The following SCFD2 variants were observed in gnomAD, a reference collection of about 807,000 sequenced individuals.
SCFD2 encodes sec1 family domain containing 2.
A neutral mutation model predicts 58.9 loss-of-function variants in SCFD2; 54 were observed. The ratio of observed to expected loss-of-function variants is 0.92; its 90% CI spans 0.74 to 1.15. The LOEUF (loss-of-function observed/expected upper bound fraction) is 1.15, where lower values mean the gene tolerates loss of function less well. Among genes scored for constraint, SCFD2 ranks in the 50% most tolerant of loss-of-function variants. The pLI is 0.00. For synonymous variants in SCFD2, 321 were observed against 335.9 expected, an observed-to-expected ratio of 0.96 and a Z score of 0.49; for missense variants, 805 against 836.6, an observed-to-expected ratio of 0.96 and a Z score of 0.47.
At chr4:53,212,348 C>A (rs542351723) in intron 4 of SCFD2, among the ~76,000 whole-genome samples, 9 of 151,854 alleles carry the variant, frequency 5.9e-5, no homozygotes, top group African/African-American at 2.2e-4. Flanking sequence ...TCAGAGCACC[C>A]AAAGTGACAT....
At chr4:52,919,286 C>T (rs1022352067) in intron 6 of SCFD2, among the ~76,000 whole-genome samples, 1 of 152,164 alleles carries the variant, frequency 6.6e-6, no homozygotes, top group Non-Finnish European at 1.5e-5. Flanking sequence ...TGCTTCTTGA[C>T]ATTTTTGGTC....
At chr4:52,924,280 G>T (rs1431357580) in intron 5 of SCFD2, among the ~76,000 whole-genome samples, 4 of 152,046 alleles carry the variant, frequency 2.6e-5, no homozygotes, top group African/African-American at 9.7e-5. Context: ...GAAAGTTATG[G>T]ATTATACATT....
chr4:53,193,712 T>C (rs1414516989), intron 4 of SCFD2, among the ~76,000 whole-genome samples: 1 of 152,212 alleles, frequency 6.6e-6, no homozygotes, highest in African/African-American at 2.4e-5. Context: ...ATGGAGTACA[T>C]GAAGAAATAT....
chr4:53,075,913 T>C (rs1723958694), intron 5 of SCFD2, among the ~76,000 whole-genome samples: 1 of 152,174 alleles, frequency 6.6e-6, no homozygotes, highest in South Asian at 2.1e-4. Flanking sequence ...ATGGTGCTGA[T>C]AGACTTGCTA....
At chr4:53,130,552 A>G (rs988545256) in intron 5 of SCFD2, among the ~76,000 whole-genome samples, 1 of 152,110 alleles carries the variant, frequency 6.6e-6, no homozygotes, top group Non-Finnish European at 1.5e-5. Context: ...TACCCCACTG[A>G]CCATTTCTTC....
At chr4:52,896,991 T>G (rs938387435) in intron 7 of SCFD2, among the ~76,000 whole-genome samples, 2 of 152,232 alleles carry the variant, frequency 1.3e-5, no homozygotes, top group African/African-American at 2.4e-5. Flanking sequence ...GCTTGTCATT[T>G]TTGCACATTG....
chr4:53,170,085 T>C (rs1057140699), intron 4 of SCFD2, among the ~76,000 whole-genome samples: 1 of 152,310 alleles, frequency 6.6e-6, no homozygotes, highest in Middle Eastern at 3.4e-3. Context: ...TGGGGTCAAA[T>C]ACAGAAACTC....
At chr4:53,028,340 T>C (rs1722531851) in intron 5 of SCFD2, among the ~76,000 whole-genome samples, 2 of 152,148 alleles carry the variant, frequency 1.3e-5, no homozygotes, top group Admixed American at 1.3e-4. Flanking sequence ...GTTGTCAAAT[T>C]AGACAAAATA....
intron 5 of SCFD2, among the ~76,000 whole-genome samples, chr4:53,083,314 T>C (rs1057253913): frequency 4.6e-5 from 7 of 152,150 alleles, no homozygotes; most frequent in African/African-American, 1.7e-4. Flanking sequence ...AGGGCCATTC[T>C]TATGAGGTCT....
At chr4:53,178,097 A>C (rs1422926324) in intron 4 of SCFD2, among the ~76,000 whole-genome samples, 2 of 152,212 alleles carry the variant, frequency 1.3e-5, no homozygotes, top group Non-Finnish European at 2.9e-5. Flanking sequence ...GCACAGACAA[A>C]TGTAAAGACA....
intron 2 of SCFD2, among the ~76,000 whole-genome samples, chr4:53,351,858 C>T (rs1734229914): frequency 1.3e-5 from 2 of 152,160 alleles, no homozygotes; most frequent in South Asian, 2.1e-4. Context: ...CCAAATGCAT[C>T]TGCTACAGTG....
chr4:53,341,618 C>T (rs552818540), intron 2 of SCFD2, among the ~76,000 whole-genome samples: 324 of 152,068 alleles, frequency 2.1e-3, no homozygotes, highest in African/African-American at 7.3e-3. Flanking sequence ...GCCACAAAGA[C>T]ACTCTTCGAG....
chr4:53,239,588 G>T (rs1729824957), intron 4 of SCFD2, among the ~76,000 whole-genome samples: 1 of 152,164 alleles, frequency 6.6e-6, no homozygotes, highest in South Asian at 2.1e-4. Context: ...GGGTTCAAGT[G>T]ATTCTCCTGC....
chr4:52,958,453 G>T (rs1345579192), intron 5 of SCFD2, among the ~76,000 whole-genome samples: 1 of 152,158 alleles, frequency 6.6e-6, no homozygotes, highest in Non-Finnish European at 1.5e-5. Context: ...GTTTTCTGAC[G>T]TTCCTTTCAG....
intron 5 of SCFD2, among the ~76,000 whole-genome samples, chr4:53,132,751 G>A (rs1390291996): frequency 2.6e-5 from 4 of 152,192 alleles, no homozygotes; most frequent in Non-Finnish European, 2.9e-5. Context: ...GGTGATGGAC[G>A]TGTAGAATCA....
chr4:53,257,485 A>G (rs1264158824), intron 4 of SCFD2, among the ~76,000 whole-genome samples: 1 of 152,174 alleles, frequency 6.6e-6, no homozygotes, highest in Admixed American at 6.5e-5. Context: ...AAATTTACCA[A>G]TCAGATAGAA....
At chr4:53,164,019 G>A (rs1362644818) in intron 4 of SCFD2, among the ~76,000 whole-genome samples, 1 of 152,066 alleles carries the variant, frequency 6.6e-6, no homozygotes. Context: ...ACCATAGCAA[G>A]GCATTTAGCA....
intron 4 of SCFD2, among the ~76,000 whole-genome samples, chr4:53,258,538 G>GTATATATATATATATATATATATATATA (rs59321045): frequency 1.7e-5 from 2 of 119,944 alleles, no homozygotes; most frequent in Non-Finnish European, 3.4e-5. Context: ...TGGTGTGTGT[G>GTATATATATATATATATATATATATATA]TATATATATA....
chr4:53,010,580 C>A (rs1478206600), intron 5 of SCFD2, among the ~76,000 whole-genome samples: 2 of 152,222 alleles, frequency 1.3e-5, no homozygotes, highest in African/African-American at 4.8e-5. Context: ...TTAAACTAGA[C>A]CTCCCAGTAC....
Sources: allele counts gnomAD v4.1 joint callset (sites outside exome capture counted in the v4.1 genomes callset), GRCh38; gene constraint gnomAD v4.1.1; transcripts MANE v1.5; gene names NCBI Gene and HGNC (gene_info 2026-07-23, HGNC 2026-07-21).